Variants in PUS10 observed in about 807,000 individuals in gnomAD.
PUS10 encodes tRNA pseudouridine synthase Pus10.
A neutral mutation model predicts 75.0 loss-of-function variants in PUS10; 59 were observed. That is an observed-to-expected ratio of 0.79 (90% confidence interval 0.64 to 0.98). The LOEUF (loss-of-function observed/expected upper bound fraction) is 0.98. Ranked by LOEUF, PUS10 falls within the 50% of genes least tolerant of loss-of-function variation. The pLI, the probability that PUS10 is intolerant of heterozygous loss-of-function variation, is 0.00. For synonymous variants in PUS10, 219 were observed against 211.6 expected (o/e 1.03, Z -0.30); for missense variants, 650 against 614.4 (o/e 1.06, Z -0.61).
At chr2:60,947,986 G>T in intron 16 of PUS10, 57 bp downstream of exon 16, 1 of 1,598,892 alleles carries the variant, frequency 6.3e-7, no homozygotes, top group South Asian at 1.1e-5. Flanking sequence ...AGGGGACCAT[G>T]AACTTTTCCA....
chr2:60,997,737 G>A (rs1192495682), intron 4 of PUS10, among the ~76,000 whole-genome samples: 2 of 151,990 alleles, frequency 1.3e-5, no homozygotes, highest in Admixed American at 6.6e-5. Flanking sequence ...TGCTGTAGAA[G>A]TTTAAAGGAA....
intron 16 of PUS10, among the ~76,000 whole-genome samples, chr2:60,947,393 G>T (rs1573377712): frequency 6.6e-6 from 1 of 152,080 alleles, no homozygotes; most frequent in Non-Finnish European, 1.5e-5. Flanking sequence ...TACGTGACTT[G>T]CAAAAAATGT....
At chr2:60,972,777 T>C (rs1676768444) in intron 4 of PUS10, among the ~76,000 whole-genome samples, 1 of 152,240 alleles carries the variant, frequency 6.6e-6, no homozygotes, top group Admixed American at 6.5e-5. Flanking sequence ...CCTTCTAAAC[T>C]AACAGGACTT....
chr2:60,984,216 A>G (rs551495109), intron 4 of PUS10, among the ~76,000 whole-genome samples: 1 of 152,312 alleles, frequency 6.6e-6, no homozygotes, highest in East Asian at 1.9e-4. Context: ...TGGGTGGGAG[A>G]AACAGAATTG....
chr2:60,950,304 A>G (rs1675254085), intron 15 of PUS10, among the ~76,000 whole-genome samples: 1 of 152,214 alleles, frequency 6.6e-6, no homozygotes, highest in African/African-American at 2.4e-5. Context: ...TTCTCATGTC[A>G]TAAGTGCTCC....
chr2:60,976,860 G>C (rs1439216829), intron 4 of PUS10, among the ~76,000 whole-genome samples: 4 of 152,008 alleles, frequency 2.6e-5, no homozygotes, highest in African/African-American at 9.7e-5. Flanking sequence ...CTGTCCCTTA[G>C]TGAATAGAAA....
intron 3 of PUS10, among the ~76,000 whole-genome samples, chr2:61,008,311 A>C (rs946442776): frequency 6.6e-6 from 1 of 152,008 alleles, no homozygotes; most frequent in African/African-American, 2.4e-5. Flanking sequence ...ATCATCTGAG[A>C]TCGGGAGTTC....
At chr2:60,968,626 A>C (rs1676483763) in intron 5 of PUS10, among the ~76,000 whole-genome samples, 1 of 152,114 alleles carries the variant, frequency 6.6e-6, no homozygotes, top group East Asian at 1.9e-4. Context: ...AAAAAAAAAG[A>C]ATATGCAGAT....
chr2:60,967,823 T>C (rs1676435966), intron 5 of PUS10, among the ~76,000 whole-genome samples: 1 of 152,154 alleles, frequency 6.6e-6, no homozygotes, highest in African/African-American at 2.4e-5. Flanking sequence ...TGGAATTACT[T>C]TTTTTAATGG....
chr2:61,006,591 G>A lies in PUS10; in HGVS notation c.434C>T (p.Ser145Leu). Residue 145 changes from serine (S) to leucine (L), a missense_variant, in exon 4 of 18, where the codon TCA (serine) becomes TTA (leucine). Ser to Leu is a moderately radical substitution (Grantham distance 145). Coordinates refer to ENST00000316752, the MANE Select transcript of PUS10 (RefSeq NM_144709.4). ...AGATAGTTGTGGTGGGAAGGAGACT[G>A]AAAATACCAAGCTGGTGAATTCAAA... ...SGFEFTSLVF[S>L]VSFPPQLSVR... is the part of the protein sequence containing the mutation. 6.2e-7 allele frequency: 1 copy of A among 1,613,628 alleles called. No homozygotes were observed. The highest frequency in any genetic ancestry group is 1.1e-5 in the South Asian group (1 of 90,976).
intron 2 of PUS10, 104 bp downstream of exon 2, chr2:61,011,661 A>C: frequency 1.3e-6 from 1 of 767,500 alleles, no homozygotes; most frequent in Non-Finnish European, 1.9e-6. Flanking sequence ...TAATTTAAAA[A>C]AGAGTTATGA....
chr2:60,996,663 C>T (rs1361666504), intron 4 of PUS10, among the ~76,000 whole-genome samples: 1 of 151,808 alleles, frequency 6.6e-6, no homozygotes, highest in Non-Finnish European at 1.5e-5. Flanking sequence ...TTCCAATAAA[C>T]GGGACGCATG....
At chr2:61,007,103 C>G (rs1318220202) in intron 3 of PUS10, among the ~76,000 whole-genome samples, 2 of 151,952 alleles carry the variant, frequency 1.3e-5, no homozygotes, top group African/African-American at 2.4e-5. Flanking sequence ...TGAAAACAAA[C>G]TGCTATATTT....
chr2:61,006,382 G>A (rs1463170988), intron 4 of PUS10, among the ~76,000 whole-genome samples, 175 bp downstream of exon 4: 2 of 152,190 alleles, frequency 1.3e-5, no homozygotes, highest in Non-Finnish European at 2.9e-5. Context: ...AATTCCTTTT[G>A]TCATTCACTC....
In PUS10 at chr2:61,008,968, T is replaced by C; in HGVS notation, c.174A>G (p.Glu58=). The change falls in exon 3 of 18, where the codon GAA becomes GAG. Residue 58 remains glutamate (E), a synonymous_variant. Transcript: ENST00000316752. ...GTGGGTTCATAACTTCCAAAATTAA[T>C]TCATCTTTTTCAGTTTCCAGAAATT... ...LQKFLETEKD[E]LILEVMNPPP... 3 of 1,612,506 alleles carry C rather than the reference T, an allele frequency of 1.9e-6. No homozygotes were observed. Among genetic ancestry groups the C allele is most frequent in the South Asian group, 1.1e-5 (1 of 90,632 alleles).
chr2:60,955,391 G>C (rs930223719), intron 11 of PUS10, among the ~76,000 whole-genome samples: 1 of 151,992 alleles, frequency 6.6e-6, no homozygotes, highest in African/African-American at 2.4e-5. Context: ...GTGCAGCAGC[G>C]TGATCATGGC....
At chr2:60,967,421 G>T in intron 6 of PUS10, 81 bp downstream of exon 6, 2 of 927,862 alleles carry the variant, frequency 2.2e-6, no homozygotes, top group South Asian at 1.5e-5. Context: ...AAGTTTTTTT[G>T]GCTAACCAAA....
intron 4 of PUS10, among the ~76,000 whole-genome samples, chr2:60,984,796 A>G (rs924121149): frequency 6.6e-6 from 1 of 152,212 alleles, no homozygotes; most frequent in Non-Finnish European, 1.5e-5. Context: ...GTTGCAAGGT[A>G]AAAAGTTTGC....
intron 2 of PUS10, chr2:61,010,875 C>A: frequency 1.9e-6 from 3 of 1,550,044 alleles, no homozygotes; most frequent in Non-Finnish European, 2.6e-6. Context: ...CTCTCTGTAT[C>A]TCAGTTTCTT....
Sources: gnomAD v4.1 joint callset for allele counts (sites outside exome capture counted in the v4.1 genomes callset) on GRCh38, gnomAD v4.1.1 for gene constraint, MANE v1.5 for transcripts, NCBI Gene and HGNC (gene_info 2026-07-23, HGNC 2026-07-21) for gene names.